Variants in PARP1 observed in about 807,000 individuals in gnomAD.
PARP1 encodes poly(ADP-ribose) polymerase 1, also known as poly [ADP-ribose] polymerase 1.
Under a neutral mutation model 118.7 loss-of-function variants are expected in PARP1, and 44 were observed. The observed-to-expected ratio is 0.37, with a 90% CI of 0.29 to 0.48. The LOEUF (loss-of-function observed/expected upper bound fraction) is 0.48. Ranked by LOEUF, PARP1 falls within the 20% of genes least tolerant of loss-of-function variation. The pLI is 0.99. For missense variants in PARP1, 1,100 were observed against 1,272.4 expected (o/e 0.86, Z 2.06); for synonymous variants, 492 against 483.2 (o/e 1.02, Z -0.24).
chr1:226,396,859 C>A (rs970670481), intron 2 of PARP1, among the ~76,000 whole-genome samples: 6 of 152,068 alleles, frequency 3.9e-5, no homozygotes, highest in Non-Finnish European at 7.4e-5. Context: ...TGAGATGGCA[C>A]CACTGCACTC....
rs749244567 is a variant in PARP1, at chr1:226,380,097, C to G, written c.1368G>C (p.Glu456Asp). The change falls in exon 10 of 23, where the codon GAG becomes GAC. Residue 456 changes from glutamate (E) to aspartate (D), a missense_variant. Transcript: ENST00000366794. ...AGGCGGAGACGTCCTGGAGGAAGTC[C>G]TCAGACACAACTCGGATGTTGGCTT... ...VKEANIRVVS[E>D]DFLQDVSAST... is the part of the protein sequence containing the mutation. 1.9e-6 allele frequency: 3 copies of G among 1,614,094 alleles called. No individual in the cohort carries two copies. The highest frequency in any genetic ancestry group is 1.7e-6 in the Non-Finnish European group (2 of 1,180,022).
At chr1:226,377,617 A>G (rs1420692407) in intron 12 of PARP1, among the ~76,000 whole-genome samples, 1 of 152,164 alleles carries the variant, frequency 6.6e-6, no homozygotes, top group Non-Finnish European at 1.5e-5. Context: ...CCTCTCCCCA[A>G]AGAAATACAA....
intron 16 of PARP1, 82 bp from the exon 17 acceptor site, chr1:226,367,690 T>C: frequency 6.6e-7 from 1 of 1,522,520 alleles, no homozygotes; most frequent in South Asian, 1.1e-5. Context: ...AAAACCTACA[T>C]GCAGAGAAGG....
intron 13 of PARP1, 29 bp downstream of exon 13, chr1:226,377,079 C>G: frequency 6.3e-7 from 1 of 1,584,902 alleles, no homozygotes; most frequent in Non-Finnish European, 8.7e-7. Flanking sequence ...TTCCTAGAAG[C>G]AGACAGTGTA....
intron 1 of PARP1, among the ~76,000 whole-genome samples, chr1:226,404,908 C>T (rs535428135): frequency 1.3e-5 from 2 of 152,250 alleles, no homozygotes; most frequent in East Asian, 1.9e-4. Context: ...ATGAACTGAC[C>T]TCACTGCATG....
Position 226,392,302 on chromosome 1 carries a change from T to A in PARP1, c.299A>T (p.Asp100Val). 1 of 1,613,530 alleles carries A rather than the reference T, an allele frequency of 6.2e-7. No individual in the cohort carries two copies. ...CTTCTCTGCCTTGCTACCAATTCCATCCTGGCCTTTGCCTGGAGAATCAAA... is the reference window on the plus strand; with the variant it reads ...CTTCTCTGCCTTGCTACCAATTCCAACCTGGCCTTTGCCTGGAGAATCAAA... ...EAGGVTGKGQDGIGSKAEKTL... is the reference protein window; with the variant it reads ...EAGGVTGKGQVGIGSKAEKTL... The change falls in exon 3 of 23, where the codon GAT becomes GTT. Residue 100 changes from aspartate to valine, a missense_variant. Asp to Val is a radical substitution (Grantham distance 152). Coordinates refer to ENST00000366794, the MANE Select transcript of PARP1 (RefSeq NM_001618.4).
chr1:226,370,616 G>T, intron 14 of PARP1, 99 bp from the exon 15 acceptor site: 1 of 900,114 alleles, frequency 1.1e-6, no homozygotes, highest in Non-Finnish European at 1.9e-6. Context: ...CCCAACAGGA[G>T]CAGTCAGGAG....
At chr1:226,401,923 ACT>A in intron 2 of PARP1, 2 of 1,395,420 alleles carry the variant, frequency 1.4e-6, no homozygotes, top group Middle Eastern at 2.5e-4. Flanking sequence ...GGTACTGGAA[ACT>A]CTTTGTTCTT....
intron 14 of PARP1, among the ~76,000 whole-genome samples, chr1:226,373,530 G>A (rs1389511621): frequency 6.6e-6 from 1 of 152,280 alleles, no homozygotes; most frequent in African/African-American, 2.4e-5. Context: ...CTCCCGGGCG[G>A]AGAGCGGAGA....
chr1:226,391,223 C>A (rs1288280653), intron 3 of PARP1, among the ~76,000 whole-genome samples: 1 of 152,012 alleles, frequency 6.6e-6, no homozygotes, highest in Admixed American at 6.5e-5. Flanking sequence ...AGCCTACCAC[C>A]CCACCGTGCC....
At position 226,398,516 on chromosome 1, in the gene PARP1, CAA is replaced by C. The variant is rs1216132159; in HGVS notation, c.286+3696_286+3697del. Among the ~76,000 whole-genome samples the C allele has an allele frequency of 2.4e-5, 3 of 123,920 alleles. No individual in the cohort carries two copies. The Admixed American group carries it at 2.8e-4, about 11-fold the overall frequency. 81.3% of individuals were successfully genotyped at this position (123,920 alleles called of 152,430 possible). On this transcript the variant is annotated intron_variant, in intron 2 of 22. Coordinates refer to ENST00000366794, the MANE Select transcript of PARP1 (RefSeq NM_001618.4). Reference sequence around the variant, plus strand: ...CTGCACTCTAGCCTGGGCGACGGAGCAAGACAGTCTTAAAAAAAAAAAAAAAA... The same window carrying C: ...CTGCACTCTAGCCTGGGCGACGGAGCGACAGTCTTAAAAAAAAAAAAAAAA...
chr1:226,379,151 T>C lies in PARP1; in HGVS notation c.1736A>G (p.Lys579Arg). 4 of 1,614,220 alleles carry C rather than the reference T, an allele frequency of 2.5e-6. No individual in the cohort carries two copies. The highest frequency in any genetic ancestry group is 3.4e-6 in the Non-Finnish European group (4 of 1,180,040). The change falls in exon 12 of 23, where the codon AAG becomes AGG. Residue 579 changes from lysine (K) to arginine (R), a missense_variant. Lys to Arg is a conservative substitution (Grantham distance 26). Around this residue, in one of 2 missense-constraint regions of PARP1, gnomAD observed 948 missense variants for 1,031.8 expected, o/e 0.92. Coordinates refer to ENST00000366794, the MANE Select transcript of PARP1 (RefSeq NM_001618.4). ...CACCTGCAGAACTCACCTGTTTTCC[T>C]TGTCGTCCTCCAGAAGCTGCAGCTT... ...YYKLQLLEDD[K>R]ENRYWIFRSW...
At chr1:226,381,494 A>G (rs565230146) in intron 8 of PARP1, among the ~76,000 whole-genome samples, 1 of 152,316 alleles carries the variant, frequency 6.6e-6, no homozygotes, top group Admixed American at 6.5e-5. Context: ...GGTCCGCGCC[A>G]AGGTCAGGCT....
chr1:226,377,014 T>C, intron 13 of PARP1, 94 bp downstream of exon 13: 1 of 1,106,012 alleles, frequency 9.0e-7, no homozygotes, highest in Non-Finnish European at 1.4e-6. Context: ...GTATGTTTAC[T>C]ATGATGCCAC....
chr1:226,366,186 G>C (rs1176585926), intron 17 of PARP1, 134 bp from the exon 18 acceptor site: 2 of 704,812 alleles, frequency 2.8e-6, no homozygotes, highest in Non-Finnish European at 5.2e-6. Flanking sequence ...GAGAGCCTGT[G>C]TCCCAGGCCT....
chr1:226,383,121 G>A lies in PARP1; in HGVS notation c.1074C>T (p.Pro358=). The A allele has an allele frequency of 1.2e-6, 2 of 1,613,132 alleles. No homozygotes were observed. The highest frequency in any genetic ancestry group is 1.7e-6 in the Non-Finnish European group (2 of 1,179,688). ...LKVKKQDRIF[P]PETSASVAAT... ...CCGCCACGGAGGCGCTGGTTTCTGG[G>A]GGGAATATACGGTCCTGTTTTTTAA... The change falls in exon 8 of 23, where the codon CCC becomes CCT. Residue 358 remains proline (P), a synonymous_variant. Transcript: ENST00000366794.
chr1:226,389,141 A>C (rs961619068), intron 4 of PARP1, among the ~76,000 whole-genome samples: 1 of 152,130 alleles, frequency 6.6e-6, no homozygotes, highest in African/African-American at 2.4e-5. Flanking sequence ...GCTAGAGGTA[A>C]GCCCATGGCT....
In PARP1 at chr1:226,407,973, A is replaced by C. The variant is rs2102750417; in HGVS notation, c.-44T>G. The C allele has an allele frequency of 6.2e-7, 1 of 1,610,528 alleles. No individual in the cohort carries two copies. The highest frequency in any genetic ancestry group is 2.2e-5 in the East Asian group (1 of 44,690). ...AAAGCTCCGGAAGCCCGACGCCACG[A>C]CCTAGAAACACGCTGCCGCCTCGCC... On this transcript the variant is annotated 5_prime_UTR_variant, in exon 1 of 23. Transcript: ENST00000366794.
At chr1:226,369,816 G>A (rs1263573711) in intron 15 of PARP1, among the ~76,000 whole-genome samples, 1 of 152,034 alleles carries the variant, frequency 6.6e-6, no homozygotes, top group Non-Finnish European at 1.5e-5. Context: ...AATTAGCCGG[G>A]TGTGGTGGCC....
Sources: allele counts gnomAD v4.1 joint callset (sites outside exome capture counted in the v4.1 genomes callset), GRCh38; gene constraint gnomAD v4.1.1; regional missense constraint gnomAD v4.1.1; transcripts MANE v1.5; gene names NCBI Gene and HGNC (gene_info 2026-07-23, HGNC 2026-07-21).